Variants in BUB1 observed in about 807,000 individuals in gnomAD.
BUB1 encodes the protein BUB1 mitotic checkpoint serine/threonine kinase, also known as mitotic checkpoint serine/threonine-protein kinase BUB1.
In BUB1, 84 loss-of-function variants were observed where a neutral mutation model predicts 135.2. The observed-to-expected ratio is 0.62, with a 90% CI of 0.52 to 0.74. BUB1 has a LOEUF of 0.74. Among genes scored for constraint, BUB1 ranks in the 30% least tolerant of loss-of-function variants. The pLI is 0.00. For synonymous variants in BUB1, 403 were observed against 434.4 expected (o/e 0.93, Z 0.90); for missense variants, 1,162 against 1,288.3 (o/e 0.90, Z 1.50).
chr2:110,641,340 T>C lies in BUB1; in HGVS notation c.2750A>G (p.Asp917Gly), dbSNP rs1689500106. The change falls in exon 22 of 25, where the codon GAC (aspartate) becomes GGC (glycine). Residue 917 changes from aspartate to glycine, a missense_variant. Transcript: ENST00000302759. ...QVHDCEIIHG[D>G]IKPDNFILGN... ...AAGTATGAAATTGTCTGGTTTAATGTCTCCATGAATGATTTCACAGTCATG... is the reference window on the plus strand; with the variant it reads ...AAGTATGAAATTGTCTGGTTTAATGCCTCCATGAATGATTTCACAGTCATG... The C allele has an allele frequency of 6.2e-7, 1 of 1,612,290 alleles. No homozygotes were observed.
intron 19 of BUB1, 108 bp from the exon 20 acceptor site, chr2:110,642,342 C>T: frequency 1.6e-6 from 1 of 643,264 alleles, no homozygotes; most frequent in South Asian, 2.4e-5. Context: ...ACTTCGCATC[C>T]ACTGTCTGCA....
chr2:110,659,894 T>G lies in BUB1; in HGVS notation c.1276+84A>C, dbSNP rs1177687955. The G allele has an allele frequency of 2.4e-6, 3 of 1,224,490 alleles. No homozygotes were observed. In the East Asian group the frequency reaches 7.4e-5, roughly 30 times the overall value. 75.9% of individuals were successfully genotyped at this position (1,224,490 alleles called of 1,614,324 possible). A position where few individuals can be genotyped will look rare whatever the true frequency, so the allele number is the denominator to read the frequency against. On this transcript the variant is annotated intron_variant, in intron 11 of 24. Transcript: ENST00000302759. ...CTCAGGTTCATTAAGGCCTGAAGCC[T>G]TCATAAACCACAGCCACAAAATACA...
chr2:110,663,105 C>G (rs1690143849), intron 9 of BUB1, among the ~76,000 whole-genome samples: 3 of 152,064 alleles, frequency 2.0e-5, no homozygotes, highest in Non-Finnish European at 4.4e-5. Context: ...ATAGTGAAAC[C>G]TCATCTTTAT....
chr2:110,649,064 C>A, intron 19 of BUB1, 170 bp downstream of exon 19: 1 of 554,184 alleles, frequency 1.8e-6, no homozygotes, highest in Non-Finnish European at 2.9e-6. Context: ...CAAGCACAAT[C>A]CTACAATCAT....
chr2:110,646,331 G>A (rs13430683), intron 19 of BUB1, among the ~76,000 whole-genome samples: 19,808 of 124,372 alleles, frequency 0.16, 2,910 homozygotes, highest in African/African-American at 0.4. Flanking sequence ...GTGATACCCT[G>A]TTTCAACACA....
chr2:110,672,685 C>G lies in BUB1; in HGVS notation c.398G>C (p.Arg133Thr). ...QRGIQNQAEP[R>T]EFLQQQYRLF... is the part of the protein sequence containing the mutation. ...CCTGTATTGTTGTTGCAGGAACTCT[C>G]TGGGTTCAGCCTGGTTTTGAATTCC... is the stretch of plus-strand genomic sequence containing the variant. Residue 133 changes from arginine to threonine, a missense_variant, in exon 4 of 25, where the codon AGA becomes ACA. Arg to Thr is a moderately conservative substitution (Grantham distance 71). Coordinates refer to ENST00000302759, the MANE Select transcript of BUB1 (RefSeq NM_004336.5). The G allele has an allele frequency of 1.2e-6, 2 of 1,601,104 alleles. No individual in the cohort carries two copies. Among genetic ancestry groups the G allele is most frequent in the Non-Finnish European group, 1.7e-6 (2 of 1,175,574 alleles).
intron 7 of BUB1, 38 bp from the exon 8 acceptor site, chr2:110,667,743 C>CATTATTTA: frequency 6.2e-7 from 1 of 1,609,030 alleles, no homozygotes; most frequent in Non-Finnish European, 8.5e-7. Flanking sequence ...CAACAATGTA[C>CATTATTTA]CTAAGAGCAC....
chr2:110,642,214 G>C lies in BUB1; in HGVS notation c.2368C>G (p.His790Asp). Reference sequence around the variant, plus strand: ...AAGGCTCCTTCTCCAAGAAGGTGATGGACATAGACCAGCTTAGAACCTTAG... The same window carrying C: ...AAGGCTCCTTCTCCAAGAAGGTGATCGACATAGACCAGCTTAGAACCTTAG... ...FQLGSKLVYV[H>D]HLLGEGAFAQ... The change falls in exon 20 of 25, where the codon CAT becomes GAT. Residue 790 changes from histidine (H) to aspartate (D), a missense_variant. Physicochemically the swap from His to Asp is moderately conservative, Grantham distance 81. Coordinates refer to ENST00000302759, the MANE Select transcript of BUB1 (RefSeq NM_004336.5). The C allele has an allele frequency of 6.2e-7, 1 of 1,612,890 alleles. No individual in the cohort carries two copies. The highest frequency in any genetic ancestry group is 1.3e-5 in the African/African-American group (1 of 74,980).
At chr2:110,657,481 C>G (rs1689963416) in intron 14 of BUB1, 65 bp downstream of exon 14, 2 of 1,230,240 alleles carry the variant, frequency 1.6e-6, no homozygotes, top group Non-Finnish European at 2.3e-6. Flanking sequence ...CTCCTCACCA[C>G]CCCACCACCT....
In BUB1 at chr2:110,641,622, T is replaced by C. The variant is rs772054070; in HGVS notation, c.2625+20A>G. The C allele has an allele frequency of 6.2e-7, 1 of 1,605,284 alleles. No individual in the cohort carries two copies. The highest frequency in any genetic ancestry group is 8.5e-7 in the Non-Finnish European group (1 of 1,176,722). ...AATCCATTTTAAATTCATGTGCTCA[T>C]CATAAAAATGAATACTTACTAATAA... On this transcript the variant is annotated intron_variant, in intron 21 of 24. Coordinates refer to ENST00000302759, the MANE Select transcript of BUB1 (RefSeq NM_004336.5).
intron 14 of BUB1, 57 bp downstream of exon 14, chr2:110,657,489 C>G: frequency 7.5e-7 from 1 of 1,335,914 alleles, no homozygotes; most frequent in East Asian, 2.4e-5. Context: ...CACCCCACCA[C>G]CTCTGGTCCC....
At chr2:110,667,132 T>C (rs1381854401) in intron 8 of BUB1, among the ~76,000 whole-genome samples, 2 of 152,252 alleles carry the variant, frequency 1.3e-5, no homozygotes, top group African/African-American at 4.8e-5. Context: ...AGGTTTAGAA[T>C]TACTATATAC....
chr2:110,664,688 G>C (rs1386489655), intron 9 of BUB1, among the ~76,000 whole-genome samples: 2 of 151,450 alleles, frequency 1.3e-5, no homozygotes, highest in Non-Finnish European at 2.9e-5. Flanking sequence ...AAAGGAGCCA[G>C]GGAGAACAAT....
chr2:110,651,860 G>A (rs368731158), intron 17 of BUB1, among the ~76,000 whole-genome samples: 1 of 152,066 alleles, frequency 6.6e-6, no homozygotes, highest in African/African-American at 2.4e-5. Context: ...TGCTGTACAT[G>A]TTTTTAGCCT....
chr2:110,670,638 T>C, intron 4 of BUB1, 70 bp from the exon 5 acceptor site: 1 of 1,478,274 alleles, frequency 6.8e-7, no homozygotes. Flanking sequence ...GAGTGAAAAC[T>C]AAATACCATA....
chr2:110,678,004 G>T lies in BUB1; in HGVS notation c.-9C>A. The T allele has an allele frequency of 6.2e-7, 1 of 1,605,486 alleles. No homozygotes were observed. Among genetic ancestry groups the T allele is most frequent in the Admixed American group, 1.7e-5 (1 of 58,858 alleles). ...TTTTCCGGGGTGTCCATGGCCAGAG[G>T]ACGCTGGCCGGCAGCGGCCAAACCT... On this transcript the variant is annotated 5_prime_UTR_variant, in exon 1 of 25. Transcript: ENST00000302759.
chr2:110,652,059 TACACACAC>T (rs559734586), intron 17 of BUB1, among the ~76,000 whole-genome samples: 5 of 145,210 alleles, frequency 3.4e-5, no homozygotes, highest in South Asian at 2.2e-4. Context: ...TATACATCCA[TACACACAC>T]ACACACACAC....
chr2:110,654,266 A>G (rs1277937727), intron 16 of BUB1, among the ~76,000 whole-genome samples: 1 of 152,120 alleles, frequency 6.6e-6, no homozygotes, highest in Non-Finnish European at 1.5e-5. Context: ...CAATTAGTTG[A>G]TTGACTAAAT....
At chr2:110,651,443 G>C (rs1689784370) in intron 17 of BUB1, among the ~76,000 whole-genome samples, 1 of 151,890 alleles carries the variant, frequency 6.6e-6, no homozygotes, top group Admixed American at 6.6e-5. Context: ...AAATATTTTT[G>C]TATAGTTGTA....
Sources: allele counts gnomAD v4.1 joint callset (sites outside exome capture counted in the v4.1 genomes callset), GRCh38; gene constraint gnomAD v4.1.1; transcripts MANE v1.5; gene names NCBI Gene and HGNC (gene_info 2026-07-23, HGNC 2026-07-21).